The following DDRGK1 variants were observed in gnomAD, a reference collection of about 807,000 sequenced individuals.
DDRGK1 encodes the protein DDRGK domain-containing protein 1.
A neutral mutation model predicts 45.8 loss-of-function variants in DDRGK1; 38 were observed. That is an observed-to-expected ratio of 0.83 (90% confidence interval 0.64 to 1.09). DDRGK1 has a LOEUF of 1.09. DDRGK1 is among the 50% of genes least tolerant of loss of function. The pLI is 0.00. For missense variants in DDRGK1, 403 were observed against 419.9 expected, an observed-to-expected ratio of 0.96 and a Z score of 0.35; for synonymous variants, 171 against 168.7, an observed-to-expected ratio of 1.01 and a Z score of -0.11.
chr20:3,199,468 G>C (rs1340898091), intron 4 of DDRGK1, among the ~76,000 whole-genome samples: 1 of 152,120 alleles, frequency 6.6e-6, no homozygotes, highest in African/African-American at 2.4e-5. Flanking sequence ...TCCCAGCTAG[G>C]GCAGCCCTGG....
intron 1 of DDRGK1, among the ~76,000 whole-genome samples, chr20:3,203,848 A>G (rs1021192675): frequency 1.3e-5 from 2 of 151,996 alleles, no homozygotes; most frequent in African/African-American, 4.8e-5. Context: ...GCCTTCCCTC[A>G]GCGTGTCCCT....
intron 2 of DDRGK1, among the ~76,000 whole-genome samples, chr20:3,201,438 C>T (rs1222561797): frequency 6.7e-6 from 1 of 148,858 alleles, no homozygotes; most frequent in Non-Finnish European, 1.5e-5. Flanking sequence ...GAGATCACGC[C>T]ACTGCACTCC....
chr20:3,201,713 AGTGGCG>A (rs2067040710), intron 2 of DDRGK1, among the ~76,000 whole-genome samples: 1 of 149,962 alleles, frequency 6.7e-6, no homozygotes, highest in Non-Finnish European at 1.5e-5. Context: ...GGTGGAGTGC[AGTGGCG>A]CGATCTCGGC....
Position 3,191,201 on chromosome 20 carries a change from C to T in DDRGK1, c.767G>A (p.Gly256Glu). The change falls in exon 8 of 9, where the codon GGG becomes GAG. Residue 256 changes from glycine to glutamate, a missense_variant. Coordinates refer to ENST00000354488, the MANE Select transcript of DDRGK1 (RefSeq NM_023935.3). ...TCTCATCATCTCACCTGTTATAGTC[C>T]CCTCAGCCAGCAGGTCCTGGATGCG... is the stretch of plus-strand genomic sequence containing the variant. ...INRIQDLLAE[G>E]TITGVIDDRG... 1 of 1,614,194 alleles carries T rather than the reference C, an allele frequency of 6.2e-7. No individual in the cohort carries two copies. The highest frequency in any genetic ancestry group is 1.1e-5 in the South Asian group (1 of 91,080).
chr20:3,199,966 C>T lies in DDRGK1; in HGVS notation c.510+35G>A, dbSNP rs541768817. The stretch of plus-strand genomic sequence containing the variant: ...AAGAAGCAAGGCTGCCTTGCCTGGT[C>T]AAGGGTCAGAGGTCAGGGTAGGGGC... On this transcript the variant is annotated intron_variant, in intron 4 of 8. Coordinates refer to ENST00000354488, the MANE Select transcript of DDRGK1 (RefSeq NM_023935.3). The T allele has an allele frequency of 1.2e-5, 19 of 1,562,454 alleles. 1 individual carries two copies. The South Asian group carries it at 2.3e-4, about 19-fold the overall frequency.
chr20:3,204,421 C>A (rs2067056379), intron 1 of DDRGK1, 116 bp downstream of exon 1: 2 of 1,052,186 alleles, frequency 1.9e-6, no homozygotes, highest in South Asian at 1.5e-5. Flanking sequence ...CACGGACGCG[C>A]ATGCGTCCCG....
Position 3,201,539 on chromosome 20 carries a change from C to T in DDRGK1, c.296-1085G>A, listed in dbSNP as rs180730725. On this transcript the variant is annotated intron_variant, in intron 2 of 8. Transcript: ENST00000354488. ...TGCATAGCCACAAAGAAGGAGGTAT[C>T]AGATTAAAATATGCAAGTGTCTCGG... is the stretch of plus-strand genomic sequence containing the variant. 9.6e-4 allele frequency among the ~76,000 whole-genome samples: 145 copies of T among 151,474 alleles called. 1 individual carries two copies. Among genetic ancestry groups the T allele is most frequent in the African/African-American group, 3.4e-3 (142 of 41,330 alleles).
intron 8 of DDRGK1, 108 bp from the exon 9 acceptor site, chr20:3,190,927 C>T: frequency 3.4e-6 from 5 of 1,456,186 alleles, no homozygotes; most frequent in Non-Finnish European, 4.6e-6. Context: ...TTCCGGCCTC[C>T]TGCCTGCCTG....
rs759446028 is a variant in DDRGK1, at chr20:3,203,275, C to T, written c.233G>A (p.Arg78His). The T allele has an allele frequency of 5.6e-6, 9 of 1,607,720 alleles. No individual in the cohort carries two copies. The highest frequency in any genetic ancestry group is 1.1e-5 in the South Asian group (1 of 90,558). Residue 78 changes from arginine (R) to histidine (H), a missense_variant, in exon 2 of 9, where the codon CGT becomes CAT. Coordinates refer to ENST00000354488, the MANE Select transcript of DDRGK1 (RefSeq NM_023935.3). ...RDLGSRLQAQRRAQRVAWAEA... is the reference protein window; with the variant it reads ...RDLGSRLQAQHRAQRVAWAEA... ...TGCCCAGGCCACCCGCTGGGCTCGACGCTGGGCCTGTAGGCGGCTGCCCAG... is the reference window on the plus strand; with the variant it reads ...TGCCCAGGCCACCCGCTGGGCTCGATGCTGGGCCTGTAGGCGGCTGCCCAG...
intron 2 of DDRGK1, among the ~76,000 whole-genome samples, chr20:3,202,667 C>T (rs1417248115): frequency 6.6e-6 from 1 of 152,176 alleles, no homozygotes; most frequent in Non-Finnish European, 1.5e-5. Context: ...AGGCAAAAGC[C>T]TCAAATGCCC....
chr20:3,199,896 G>T, intron 4 of DDRGK1, 105 bp downstream of exon 4: 1 of 1,071,536 alleles, frequency 9.3e-7, no homozygotes, highest in Non-Finnish European at 1.3e-6. Context: ...CCTTGTGCCA[G>T]GTCTATGGCC....
rs532243037 is a variant in DDRGK1 at position 3,204,431 on chromosome 20, G to GC, written c.91+105dup. ...TAGCGCACGGACGCGCATGCGTCCC[G>GC]CCCGCCCAGGTGCGCACGCGCAGGA... On this transcript the variant is annotated intron_variant, in intron 1 of 8. Coordinates refer to ENST00000354488, the MANE Select transcript of DDRGK1 (RefSeq NM_023935.3). 4,070 of 1,202,766 alleles carry GC rather than the reference G, an allele frequency of 3.4e-3. 11 individuals carry two copies. Among genetic ancestry groups the GC allele is most frequent in the Non-Finnish European group, 4.1e-3 (3,565 of 865,130 alleles). 74.5% of individuals were successfully genotyped at this position (1,202,766 alleles called of 1,614,324 possible).
intron 2 of DDRGK1, 146 bp from the exon 3 acceptor site, chr20:3,200,600 G>T: frequency 1.5e-6 from 1 of 686,374 alleles, no homozygotes; most frequent in Non-Finnish European, 2.5e-6. Context: ...CCCTCCAGAG[G>T]CATCTGCCAT....
rs529377052 is a variant in DDRGK1 at position 3,194,363 on chromosome 20, C to T, written c.672+467G>A. On this transcript the variant is annotated intron_variant, in intron 6 of 8. Transcript: ENST00000354488. Reference sequence around the variant, plus strand: ...ATCGAGGCGGCCTGCGCAGTGGCTGCGGACAGAAGGGGACACACTGCCGCC... The same window carrying T: ...ATCGAGGCGGCCTGCGCAGTGGCTGTGGACAGAAGGGGACACACTGCCGCC... 3.9e-3 allele frequency among the ~76,000 whole-genome samples: 598 copies of T among 152,292 alleles called. 2 individuals carry two copies. The highest frequency in any genetic ancestry group is 4.8e-3 in the Non-Finnish European group (327 of 68,020).
chr20:3,203,379 T>C lies in DDRGK1; in HGVS notation c.129A>G (p.Gly43=). The part of the protein sequence containing the change: ...QEPLHNEELA[G]AGRVAQPGPL... ...GCCCAGGCTGGGCCACCCGGCCTGC[T>C]CCTGCCAGCTCCTCATTGTGCAGTG... The change falls in exon 2 of 9, where the codon GGA becomes GGG. Residue 43 remains glycine, a synonymous_variant. Coordinates refer to ENST00000354488, the MANE Select transcript of DDRGK1 (RefSeq NM_023935.3). The C allele has an allele frequency of 6.2e-7, 1 of 1,602,156 alleles. No homozygotes were observed. The highest frequency in any genetic ancestry group is 2.2e-5 in the East Asian group (1 of 44,586).
intron 4 of DDRGK1, among the ~76,000 whole-genome samples, chr20:3,198,718 A>C (rs1386488841): frequency 1.4e-5 from 2 of 144,544 alleles, no homozygotes; most frequent in South Asian, 2.2e-4. Context: ...AAAAAAAAAA[A>C]ACAAAACAGA....
chr20:3,195,738 C>T (rs921415308), intron 4 of DDRGK1, among the ~76,000 whole-genome samples: 1 of 152,006 alleles, frequency 6.6e-6, no homozygotes, highest in Non-Finnish European at 1.5e-5. Context: ...CAAATGTGAA[C>T]CCTGCATTTC....
chr20:3,203,563 G>A, intron 1 of DDRGK1, 147 bp from the exon 2 acceptor site: 1 of 1,212,234 alleles, frequency 8.2e-7, no homozygotes, highest in South Asian at 1.8e-5. Flanking sequence ...TGACTGGCAA[G>A]GCCTTTTCCA....
In DDRGK1 at chr20:3,203,308, C is replaced by A; in HGVS notation, c.200G>T (p.Arg67Leu). 2 of 1,608,176 alleles carry A rather than the reference C, an allele frequency of 1.2e-6. No individual in the cohort carries two copies. Residue 67 changes from arginine (R) to leucine (L), a missense_variant, in exon 2 of 9, where the codon CGG becomes CTG. Transcript: ENST00000354488. Reference protein sequence around the residue: ...EPRAGGRPRRRRDLGSRLQAQ... With the variant: ...EPRAGGRPRRLRDLGSRLQAQ... ...CTGTAGGCGGCTGCCCAGGTCCCTC[C>A]GGCGCCGAGGCCTGCCTCCAGCTCT...
Sources: allele counts gnomAD v4.1 joint callset (sites outside exome capture counted in the v4.1 genomes callset), GRCh38; gene constraint gnomAD v4.1.1; transcripts MANE v1.5; gene names NCBI Gene and HGNC (gene_info 2026-07-23, HGNC 2026-07-21).